SLC35D4: variants seen among roughly 807,000 people sequenced by gnomAD.
SLC35D4 encodes UDP-N-acetylglucosamine transporter SLC35D4.
chr18:23,257,423 T>G, the SLC35D4 span: 1 of 1,516,772 alleles, frequency 6.6e-7, no homozygotes, highest in Non-Finnish European at 8.8e-7. Flanking sequence ...GGAGCAGCAC[T>G]TACTTACTAC....
the SLC35D4 span, among the ~76,000 whole-genome samples, chr18:23,388,846 G>A: frequency 6.6e-6 from 1 of 152,116 alleles, no homozygotes; most frequent in African/African-American, 2.4e-5. Flanking sequence ...GCTCCGCCAT[G>A]GTAAGAGGTG....
At chr18:23,382,376 T>C in the SLC35D4 span, among the ~76,000 whole-genome samples, 27 of 152,022 alleles carry the variant, frequency 1.8e-4, no homozygotes, top group South Asian at 5.6e-3. Flanking sequence ...GACCATTTAG[T>C]GACTCTTTAG....
chr18:23,399,641 A>G, the SLC35D4 span: 1 of 1,613,728 alleles, frequency 6.2e-7, no homozygotes, highest in Non-Finnish European at 8.5e-7. Context: ...ACACAAGAAC[A>G]TGAGATCTGA....
chr18:23,309,734 G>A, the SLC35D4 span: 1 of 1,614,094 alleles, frequency 6.2e-7, no homozygotes, highest in Non-Finnish European at 8.5e-7. Flanking sequence ...TGATAAGCCA[G>A]CTGTGATTAT....
At chr18:23,404,135 C>T in the SLC35D4 span, among the ~76,000 whole-genome samples, 117 of 152,234 alleles carry the variant, frequency 7.7e-4, no homozygotes, top group East Asian at 0.013. Context: ...AAAGTAAATA[C>T]ACATAACATT....
chr18:23,247,219 G>C, the SLC35D4 span, among the ~76,000 whole-genome samples: 1 of 152,212 alleles, frequency 6.6e-6, no homozygotes, highest in African/African-American at 2.4e-5. Flanking sequence ...CCACCATCAG[G>C]CTCCCTCAAG....
chr18:23,238,883 C>T, the SLC35D4 span, among the ~76,000 whole-genome samples: 1 of 152,134 alleles, frequency 6.6e-6, no homozygotes, highest in Non-Finnish European at 1.5e-5. Context: ...CCACAACTGC[C>T]GACCTCGGGG....
At chr18:23,368,280 C>T in the SLC35D4 span, among the ~76,000 whole-genome samples, 1 of 152,180 alleles carries the variant, frequency 6.6e-6, no homozygotes, top group Non-Finnish European at 1.5e-5. Context: ...CCTGAGTCTG[C>T]AAGGTCCTCT....
chr18:23,394,983 C>CAAAA, the SLC35D4 span, among the ~76,000 whole-genome samples: 8 of 54,432 alleles, frequency 1.5e-4, no homozygotes, highest in African/African-American at 5.2e-4. Flanking sequence ...AACTCCATCT[C>CAAAA]AAAAAAAAAA....
chr18:23,257,529 T>A, the SLC35D4 span: 1 of 754,378 alleles, frequency 1.3e-6, no homozygotes, highest in Non-Finnish European at 2.0e-6. Context: ...CAAGGAGTCT[T>A]GGGTGTGTAG....
chr18:23,252,988 C>T, the SLC35D4 span: 22 of 1,613,214 alleles, frequency 1.4e-5, no homozygotes, highest in East Asian at 4.5e-5. Flanking sequence ...GTGAAGCCCT[C>T]GGATCTCAAG....
At chr18:23,437,668 C>T in the SLC35D4 span, 1 of 1,144,648 alleles carries the variant, frequency 8.7e-7, no homozygotes, top group South Asian at 1.4e-5. Flanking sequence ...CCATCTCCAT[C>T]GCCACCAGGA....
chr18:23,294,055 C>T, the SLC35D4 span, among the ~76,000 whole-genome samples: 9 of 152,298 alleles, frequency 5.9e-5, no homozygotes, highest in South Asian at 1.7e-3. Flanking sequence ...CCTCAGCCTC[C>T]TAAAGTGCTG....
chr18:23,298,106 G>C, the SLC35D4 span: 1 of 1,612,524 alleles, frequency 6.2e-7, no homozygotes. Context: ...CCACTCCCCC[G>C]GGACCCCTGA....
At chr18:23,264,907 A>G in the SLC35D4 span, among the ~76,000 whole-genome samples, 1 of 151,798 alleles carries the variant, frequency 6.6e-6, no homozygotes, top group African/African-American at 2.4e-5. Context: ...AGCCACCCAA[A>G]TTACCGGGAT....
chr18:23,380,321 A>G, the SLC35D4 span, among the ~76,000 whole-genome samples: 1 of 151,522 alleles, frequency 6.6e-6, no homozygotes, highest in South Asian at 2.1e-4. Flanking sequence ...GCTGCCCATC[A>G]CCTGCCTGCC....
At chr18:23,430,186 T>A in the SLC35D4 span, among the ~76,000 whole-genome samples, 2 of 152,166 alleles carry the variant, frequency 1.3e-5, no homozygotes, top group Admixed American at 6.6e-5. Context: ...TTTTTGTATA[T>A]GGTGAGACAA....
At chr18:23,341,993 GA>G in the SLC35D4 span, among the ~76,000 whole-genome samples, 111,285 of 150,746 alleles carry the variant, frequency 0.74, 41,436 homozygotes, top group Middle Eastern at 0.86. Flanking sequence ...ATATACACAG[GA>G]AAAAAAAAAA....
the SLC35D4 span, among the ~76,000 whole-genome samples, chr18:23,334,625 A>T: frequency 3.3e-5 from 5 of 152,212 alleles, no homozygotes; most frequent in African/African-American, 1.2e-4. Flanking sequence ...CAGTCTACTT[A>T]TACATAAACA....
Sources: allele counts gnomAD v4.1 joint callset (sites outside exome capture counted in the v4.1 genomes callset), GRCh38; gene constraint gnomAD v4.1.1; transcripts MANE v1.5; gene names NCBI Gene and HGNC (gene_info 2026-07-23, HGNC 2026-07-21).